USP47: variants seen among roughly 807,000 people sequenced by gnomAD.
USP47 encodes ubiquitin specific peptidase 47.
Under a neutral mutation model 165.1 loss-of-function variants are expected in USP47, and 35 were observed. The observed-to-expected ratio is 0.21, with a 90% CI of 0.16 to 0.28. The LOEUF (loss-of-function observed/expected upper bound fraction) is 0.28, where lower values mean the gene tolerates loss of function less well. Among genes scored for constraint, USP47 ranks in the 10% least tolerant of loss-of-function variants. The pLI is 1.00. For missense variants in USP47, 1,277 were observed against 1,607.4 expected, an observed-to-expected ratio of 0.79 and a Z score of 3.52; for synonymous variants, 531 against 544.5, an observed-to-expected ratio of 0.98 and a Z score of 0.35.
Position 11,920,226 on chromosome 11 carries a change from G to T in USP47, c.1040G>T (p.Cys347Phe), listed in dbSNP as rs1419123319. The T allele has an allele frequency of 6.2e-7, 1 of 1,609,216 alleles. No homozygotes were observed. Among genetic ancestry groups the T allele is most frequent in the Non-Finnish European group, 8.5e-7 (1 of 1,177,400 alleles). Residue 347 changes from cysteine to phenylalanine, a missense_variant, in exon 9 of 28, where the codon TGT becomes TTT. Cys to Phe is a radical substitution (Grantham distance 205). Around this residue, in one of 4 missense-constraint regions of USP47, gnomAD observed 175 missense variants for 295.8 expected, o/e 0.59. Transcript: ENST00000527733. ...CCAAATCAGTATTTTTGTGAACGTT[G>T]TAAGAAGAAGTGTGATGCACGGAAG... ...DGPNQYFCER[C>F]KKKCDARKGL...
chr11:11,934,941 C>G (rs535019377), intron 16 of USP47, among the ~76,000 whole-genome samples: 1 of 152,150 alleles, frequency 6.6e-6, no homozygotes, highest in Admixed American at 6.6e-5. Flanking sequence ...AATAACATAA[C>G]TAAAAATAAC....
chr11:11,842,292 G>T, intron 1 of USP47, 68 bp downstream of exon 1: 1 of 1,516,802 alleles, frequency 6.6e-7, no homozygotes, highest in Middle Eastern at 1.9e-4. Flanking sequence ...GCCCGGGCCG[G>T]GGTTCGGCTG....
intron 25 of USP47, among the ~76,000 whole-genome samples, chr11:11,954,350 G>T (rs373202281): frequency 6.6e-6 from 1 of 152,082 alleles, no homozygotes; most frequent in East Asian, 1.9e-4. Flanking sequence ...GCTCACTGCA[G>T]CCTCCGCCTC....
intron 18 of USP47, among the ~76,000 whole-genome samples, chr11:11,938,896 T>G (rs1020194615): frequency 1.3e-5 from 2 of 151,700 alleles, no homozygotes; most frequent in African/African-American, 4.9e-5. Context: ...GGACTTGTAA[T>G]TGTTAAATGT....
intron 20 of USP47, 144 bp from the exon 21 acceptor site, chr11:11,947,801 G>A (rs1855941698): frequency 2.9e-6 from 2 of 686,142 alleles, no homozygotes; most frequent in Non-Finnish European, 4.5e-6. Context: ...TGTCCATTCA[G>A]TGTGGTATAT....
intron 27 of USP47, 75 bp downstream of exon 27, chr11:11,955,239 A>G (rs778219024): frequency 1.6e-4 from 249 of 1,531,356 alleles, no homozygotes; most frequent in Non-Finnish European, 2.1e-4. Flanking sequence ...TTCCATAAAT[A>G]TCTTTACTGT....
Position 11,942,567 on chromosome 11 carries a change from T to C in USP47, c.2546T>C (p.Val849Ala), listed in dbSNP as rs771415865. The C allele has an allele frequency of 5.6e-6, 9 of 1,613,486 alleles. No individual in the cohort carries two copies. In the South Asian group the frequency reaches 9.9e-5, roughly 18 times the overall value. The change falls in exon 20 of 28, where the codon GTG becomes GCG. Residue 849 changes from valine to alanine, a missense_variant. Val to Ala is a moderately conservative substitution (Grantham distance 64). Transcript: ENST00000527733. ...VKGPVGSLKS[V>A]EAILEESTEK... is the part of the protein sequence containing the mutation. ...GGACCTGTAGGAAGCCTAAAGTCTG[T>C]GGAAGCTATTCTAGAAGAAAGCACT...
At chr11:11,871,090 C>G (rs1418151941) in intron 1 of USP47, among the ~76,000 whole-genome samples, 1 of 152,114 alleles carries the variant, frequency 6.6e-6, no homozygotes, top group Non-Finnish European at 1.5e-5. Flanking sequence ...TGCTTTTAAG[C>G]TTCCTAAGGT....
chr11:11,870,961 C>G (rs886212499), intron 1 of USP47, among the ~76,000 whole-genome samples: 3 of 151,978 alleles, frequency 2.0e-5, no homozygotes, highest in Non-Finnish European at 4.4e-5. Flanking sequence ...AGTGGGATGC[C>G]AAACATTGAG....
At chr11:11,934,068 C>G in intron 16 of USP47, 133 bp downstream of exon 16, 1 of 650,094 alleles carries the variant, frequency 1.5e-6, no homozygotes, top group Admixed American at 3.1e-5. Context: ...TTATCTCTTA[C>G]CGAGTATATT....
At chr11:11,923,932 G>T (rs1336652042) in intron 11 of USP47, among the ~76,000 whole-genome samples, 1 of 152,220 alleles carries the variant, frequency 6.6e-6, no homozygotes, top group African/African-American at 2.4e-5. Context: ...CCTTGCCTGT[G>T]TTTTTACATA....
chr11:11,908,093 AAAC>A (rs1355478931), intron 8 of USP47, among the ~76,000 whole-genome samples: 1 of 152,068 alleles, frequency 6.6e-6, no homozygotes, highest in Non-Finnish European at 1.5e-5. Context: ...GTCTCAAAAA[AAAC>A]AAAAAAAGAT....
intron 5 of USP47, 100 bp from the exon 6 acceptor site, chr11:11,902,615 C>G: frequency 1.1e-6 from 1 of 890,678 alleles, no homozygotes; most frequent in Non-Finnish European, 1.6e-6. Flanking sequence ...TGTATAGCTT[C>G]CAGGATTAAA....
At chr11:11,879,754 A>G (rs1357894643) in intron 1 of USP47, among the ~76,000 whole-genome samples, 1 of 152,046 alleles carries the variant, frequency 6.6e-6, no homozygotes, top group Non-Finnish European at 1.5e-5. Flanking sequence ...TTTTTGCACA[A>G]TTCCCATTTT....
chr11:11,910,427 C>T (rs1384262538), intron 8 of USP47, among the ~76,000 whole-genome samples: 1 of 152,044 alleles, frequency 6.6e-6, no homozygotes, highest in Admixed American at 6.6e-5. Context: ...ACTTTTAGAC[C>T]ATAACTGCTG....
intron 24 of USP47, among the ~76,000 whole-genome samples, chr11:11,950,687 CCT>C (rs1326971575): frequency 3.9e-5 from 6 of 152,058 alleles, no homozygotes; most frequent in Non-Finnish European, 7.4e-5. Context: ...ATTTTCTTCC[CCT>C]GTGTCCTAAT....
At chr11:11,927,149 A>G (rs1405434475) in intron 11 of USP47, among the ~76,000 whole-genome samples, 1 of 152,038 alleles carries the variant, frequency 6.6e-6, no homozygotes, top group African/African-American at 2.4e-5. Context: ...TGCATGGTTT[A>G]TAATGATAAA....
In USP47 at chr11:11,952,784, A is replaced by G. The variant is rs1024097159; in HGVS notation, c.3627A>G (p.Ser1209=). Residue 1209 remains serine, a synonymous_variant, in exon 25 of 28, where the codon TCA becomes TCG. Transcript: ENST00000527733. ...MKSMSQLAVL[S]RRWKPSEMKL... is the part of the protein sequence containing the mutation. The stretch of plus-strand genomic sequence containing the variant: ...CCATGTCACAGCTTGCAGTTTTGTC[A>G]AGACGGTGGAAGCCTTCAGAGATGA... The G allele has an allele frequency of 1.9e-6, 3 of 1,612,960 alleles. No homozygotes were observed. The highest frequency in any genetic ancestry group is 2.5e-6 in the Non-Finnish European group (3 of 1,179,350).
chr11:11,902,808 A>C lies in USP47; in HGVS notation c.687A>C (p.Arg229Ser), dbSNP rs756912401. Residue 229 changes from arginine (R) to serine (S), a missense_variant, in exon 6 of 28, where the codon AGA becomes AGC. Physicochemically the swap from Arg to Ser is moderately radical, Grantham distance 110 (BLOSUM62 -1). Around this residue, in one of 4 missense-constraint regions of USP47, gnomAD observed 175 missense variants for 295.8 expected, o/e 0.59. Coordinates refer to ENST00000527733, the MANE Select transcript of USP47 (RefSeq NM_001282659.2). ...TTTTGTTACAAACCAGCAAAAAGAG[A>C]GCAATTGAAACCACAGATGTTACAA... ...LFVLLQTSKK[R>S]AIETTDVTRS... is the part of the protein sequence containing the mutation. 1 of 1,603,726 alleles carries C rather than the reference A, an allele frequency of 6.2e-7. No homozygotes were observed. Among genetic ancestry groups the C allele is most frequent in the Admixed American group, 1.7e-5 (1 of 59,342 alleles).
Sources: allele counts gnomAD v4.1 joint callset (sites outside exome capture counted in the v4.1 genomes callset), GRCh38; gene constraint gnomAD v4.1.1; regional missense constraint gnomAD v4.1.1; transcripts MANE v1.5; gene names NCBI Gene and HGNC (gene_info 2026-07-23, HGNC 2026-07-21).